The following ADAM28 variants were observed in gnomAD, a reference collection of about 807,000 sequenced individuals.
ADAM28 encodes ADAM metallopeptidase domain 28, also known as disintegrin and metalloproteinase domain-containing protein 28.
In ADAM28, 105 loss-of-function variants were observed where a neutral mutation model predicts 101.2. The observed-to-expected ratio is 1.04, with a 90% CI of 0.89 to 1.22. ADAM28 has a LOEUF of 1.22. Ranked by LOEUF, ADAM28 falls within the 50% of genes most tolerant of loss-of-function variation. ADAM28 has a pLI of 0.00. For synonymous variants in ADAM28, 322 were observed against 310.6 expected, an observed-to-expected ratio of 1.04 and a Z score of -0.39; for missense variants, 1,028 against 945.4, an observed-to-expected ratio of 1.09 and a Z score of -1.15.
intron 12 of ADAM28, among the ~76,000 whole-genome samples, chr8:24,331,626 C>T (rs1410507620): frequency 6.6e-6 from 1 of 152,156 alleles, no homozygotes; most frequent in East Asian, 1.9e-4. Flanking sequence ...AAGCTCCTTA[C>T]GTGACTATGA....
chr8:24,331,250 A>G lies in ADAM28; in HGVS notation c.1204A>G (p.Thr402Ala), dbSNP rs751300664. Residue 402 changes from threonine (T) to alanine (A), a missense_variant, in exon 12 of 23, where the codon ACA becomes GCA. Coordinates refer to ENST00000265769, the MANE Select transcript of ADAM28 (RefSeq NM_014265.6). ...TTGCCTCTTTAATGCTCCATTGCCT[A>G]CAGATATCATATCCACTCCAATTTG... ...SNCLFNAPLP[T>A]DIISTPICGN... 2.5e-6 allele frequency: 4 copies of G among 1,613,068 alleles called. No individual in the cohort carries two copies. The South Asian group carries it at 3.3e-5, about 13-fold the overall frequency.
rs373424747 is a variant in ADAM28, at chr8:24,311,430, G to C, written c.376G>C (p.Gly126Arg). The change falls in exon 5 of 23, where the codon GGT (glycine) becomes CGT (arginine). Residue 126 changes from glycine to arginine, a missense_variant. By Grantham distance (125) the Gly-to-Arg change is moderately radical. Transcript: ENST00000265769. Reference sequence around the variant, plus strand: ...TGACGCTAGCATCAGCACATGTAGGGGTCTAAGGTAAGACTTCAGGAATGT... The same window carrying C: ...TGACGCTAGCATCAGCACATGTAGGCGTCTAAGGTAAGACTTCAGGAATGT... The part of the protein sequence containing the change: ...VSDASISTCR[G>R]LRGYFSQGDQ... The C allele has an allele frequency of 5.6e-6, 9 of 1,611,736 alleles. No homozygotes were observed. The African/African-American group carries it at 1.1e-4, about 19-fold the overall frequency.
chr8:24,348,882 A>G (rs1180012499), intron 18 of ADAM28, among the ~76,000 whole-genome samples: 1 of 152,150 alleles, frequency 6.6e-6, no homozygotes. Flanking sequence ...GAAAATAGTT[A>G]CAGTTCTGAT....
chr8:24,326,751 A>G, intron 10 of ADAM28, 116 bp downstream of exon 10: 2 of 897,470 alleles, frequency 2.2e-6, no homozygotes, highest in South Asian at 2.4e-5. Context: ...ATGGTAAATA[A>G]CACTGATTGA....
At chr8:24,336,161 G>A in intron 14 of ADAM28, 1 of 985,298 alleles carries the variant, frequency 1.0e-6, no homozygotes, top group Non-Finnish European at 1.2e-6. Context: ...AAAAGTGAAA[G>A]TTCTTAAATG....
intron 9 of ADAM28, 107 bp downstream of exon 9, chr8:24,324,110 C>A: frequency 5.1e-6 from 5 of 983,678 alleles, no homozygotes; most frequent in Non-Finnish European, 5.8e-6. Flanking sequence ...ATTTATAGAG[C>A]ACTTACTTGG....
At chr8:24,310,382 T>A in intron 4 of ADAM28, 141 bp downstream of exon 4, 1 of 724,992 alleles carries the variant, frequency 1.4e-6, no homozygotes. Flanking sequence ...ACTTAAAATA[T>A]AAAAAAAAGA....
chr8:24,311,177 T>C (rs1028198124), intron 4 of ADAM28, among the ~76,000 whole-genome samples, 184 bp from the exon 5 acceptor site: 6 of 152,220 alleles, frequency 3.9e-5, no homozygotes, highest in African/African-American at 1.4e-4. Context: ...GATCATTAAC[T>C]GACATTAACA....
chr8:24,307,640 G>A (rs977831696), intron 2 of ADAM28, among the ~76,000 whole-genome samples: 2 of 152,162 alleles, frequency 1.3e-5, no homozygotes, highest in African/African-American at 4.8e-5. Context: ...TATGACTGGA[G>A]CATATTACCC....
At chr8:24,320,049 T>A (rs1166576344) in intron 6 of ADAM28, among the ~76,000 whole-genome samples, 187 bp from the exon 7 acceptor site, 7 of 151,976 alleles carry the variant, frequency 4.6e-5, no homozygotes, top group African/African-American at 1.7e-4. Flanking sequence ...CTGGTGTCCC[T>A]TCACCTCCAA....
chr8:24,304,793 T>C (rs1208325184), intron 2 of ADAM28, among the ~76,000 whole-genome samples: 1 of 151,480 alleles, frequency 6.6e-6, no homozygotes, highest in Non-Finnish European at 1.5e-5. Context: ...TGGAAACCTC[T>C]AATCCCAACT....
Position 24,321,287 on chromosome 8 carries a change from A to G in ADAM28, c.718A>G (p.Met240Val), listed in dbSNP as rs1811843313. 6.3e-7 allele frequency: 1 copy of G among 1,599,416 alleles called. No homozygotes were observed. Among genetic ancestry groups the G allele is most frequent in the Non-Finnish European group, 8.6e-7 (1 of 1,167,380 alleles). ...ATTTGAGATGGCTAATTATGTCAAC[A>G]TGGTAAGACATATTTTATTACCTGC... ...RVFEMANYVNMLYKKLNTHVA... is the reference protein window; with the variant it reads ...RVFEMANYVNVLYKKLNTHVA... The change falls in exon 8 of 23, where the codon ATG becomes GTG. Residue 240 changes from methionine to valine, a missense_variant and splice_region_variant. By Grantham distance (21) the Met-to-Val change is conservative. Coordinates refer to ENST00000265769, the MANE Select transcript of ADAM28 (RefSeq NM_014265.6).
In ADAM28 at chr8:24,306,363, A is replaced by AATAT. The variant is rs543308272; in HGVS notation, c.151-3512_151-3509dup. Among the ~76,000 whole-genome samples the AATAT allele has an allele frequency of 6.9e-3, 744 of 108,456 alleles. 9 individuals carry two copies. Among genetic ancestry groups the AATAT allele is most frequent in the African/African-American group, 0.022 (586 of 26,628 alleles). 71.2% of individuals were successfully genotyped at this position (108,456 alleles called of 152,430 possible). On this transcript the variant is annotated intron_variant, in intron 2 of 22. Coordinates refer to ENST00000265769, the MANE Select transcript of ADAM28 (RefSeq NM_014265.6). ...CATCTCAAATACAAATAAATAAATA[A>AATAT]ATATATATATATATATATATATTTA... is the stretch of plus-strand genomic sequence containing the variant.
At chr8:24,345,641 G>A (rs1362652212) in intron 18 of ADAM28, among the ~76,000 whole-genome samples, 6 of 151,652 alleles carry the variant, frequency 4.0e-5, no homozygotes, top group Admixed American at 3.9e-4. Flanking sequence ...CCTTTTCTGA[G>A]AGTATACATT....
At chr8:24,352,546 C>T (rs548346428) in intron 21 of ADAM28, among the ~76,000 whole-genome samples, 1 of 152,120 alleles carries the variant, frequency 6.6e-6, no homozygotes, top group Non-Finnish European at 1.5e-5. Flanking sequence ...TGCACCCTCA[C>T]GACCTCATTA....
chr8:24,309,807 T>C (rs1190345588), intron 2 of ADAM28, 87 bp from the exon 3 acceptor site: 12 of 1,005,532 alleles, frequency 1.2e-5, no homozygotes, highest in Non-Finnish European at 1.8e-5. Flanking sequence ...AAAATAGATA[T>C]TGCTTGCTAA....
At position 24,323,845 on chromosome 8, in the gene ADAM28, G is replaced by T. The variant is rs1318740819; in HGVS notation, c.732G>T (p.Lys244Asn). 6.2e-7 allele frequency: 1 copy of T among 1,610,496 alleles called. No individual in the cohort carries two copies. The highest frequency in any genetic ancestry group is 1.7e-5 in the Admixed American group (1 of 59,640). The change falls in exon 9 of 23, where the codon AAG becomes AAT. Residue 244 changes from lysine to asparagine, a missense_variant. Physicochemically the swap from Lys to Asn is moderately conservative, Grantham distance 94. Coordinates refer to ENST00000265769, the MANE Select transcript of ADAM28 (RefSeq NM_014265.6). ...MANYVNMLYK[K>N]LNTHVALVGM... ...TTTTCTTTGGACAGCTTTATAAAAA[G>T]CTCAATACTCATGTGGCCTTAGTTG...
chr8:24,323,610 A>C (rs2271387), intron 8 of ADAM28, among the ~76,000 whole-genome samples: 5,199 of 151,898 alleles, frequency 0.034, 106 homozygotes, highest in East Asian at 0.092. Context: ...CCACCCAAAA[A>C]AGAAGTTTAC....
At chr8:24,308,251 C>T (rs1809970139) in intron 2 of ADAM28, among the ~76,000 whole-genome samples, 1 of 152,180 alleles carries the variant, frequency 6.6e-6, no homozygotes, top group Non-Finnish European at 1.5e-5. Context: ...GAACACACTT[C>T]TTATCCTCAA....
Sources: gnomAD v4.1 joint callset for allele counts (sites outside exome capture counted in the v4.1 genomes callset) on GRCh38, gnomAD v4.1.1 for gene constraint, MANE v1.5 for transcripts, NCBI Gene and HGNC (gene_info 2026-07-23, HGNC 2026-07-21) for gene names.